The following ARHGAP6 variants were observed in gnomAD, a reference collection of about 807,000 sequenced individuals.
ARHGAP6 encodes the protein Rho GTPase activating protein 6.
Under a neutral mutation model 55.7 loss-of-function variants are expected in ARHGAP6, and 16 were observed. The observed-to-expected ratio is 0.29, with a 90% CI of 0.19 to 0.44. The LOEUF is 0.44. Ranked by LOEUF, ARHGAP6 falls within the 20% of genes least tolerant of loss-of-function variation. ARHGAP6 has a pLI of 1.00. For synonymous variants in ARHGAP6, 382 were observed against 360.9 expected, an observed-to-expected ratio of 1.06 and a Z score of -0.66; for missense variants, 698 against 808.9, an observed-to-expected ratio of 0.86 and a Z score of 1.66.
In ARHGAP6 at chrX:11,559,997, A is replaced by G. The variant is rs184103739; in HGVS notation, c.588+104244T>C. 5.3e-3 allele frequency among the ~76,000 whole-genome samples: 577 copies of G among 109,024 alleles called. 2 individuals carry two copies. The highest frequency in any genetic ancestry group is 0.018 in the African/African-American group (551 of 30,027). The allele number at this position is 109,024 out of a possible 115,157, so 94.7% of individuals were successfully genotyped here. ...ATTCACTATATTGAAAAGATAAATC[A>G]ACCGAACAACCATGCCTGTTCTTTA... On this transcript the variant is annotated intron_variant, in intron 1 of 12. Transcript: ENST00000337414.
intron 1 of ARHGAP6, among the ~76,000 whole-genome samples, chrX:11,521,393 A>C (rs1175851116): frequency 2.7e-5 from 3 of 112,346 alleles, no homozygotes; most frequent in Non-Finnish European, 5.6e-5. Flanking sequence ...CAGTTTTCCC[A>C]GCACCATTTG....
At chrX:11,276,630 A>G (rs990175259) in intron 1 of ARHGAP6, among the ~76,000 whole-genome samples, 1 of 111,742 alleles carries the variant, frequency 8.9e-6, no homozygotes, top group Non-Finnish European at 1.9e-5. Flanking sequence ...TGCAGGTATG[A>G]CGTGAAAACA....
chrX:11,532,773 G>A (rs1285365169), intron 1 of ARHGAP6, among the ~76,000 whole-genome samples: 1 of 112,263 alleles, frequency 8.9e-6, no homozygotes, highest in African/African-American at 3.2e-5. Context: ...ACACTACAAA[G>A]GCAAAGCTGA....
intron 1 of ARHGAP6, among the ~76,000 whole-genome samples, chrX:11,522,305 C>A (rs1329542895): frequency 1.8e-5 from 2 of 110,769 alleles, no homozygotes; most frequent in South Asian, 7.8e-4. Flanking sequence ...AATTGACACC[C>A]TAACGTCACA....
intron 1 of ARHGAP6, among the ~76,000 whole-genome samples, chrX:11,620,299 A>T (rs887958308): frequency 1.8e-5 from 2 of 112,315 alleles, no homozygotes; most frequent in Non-Finnish European, 3.8e-5. Context: ...TTTTTGAAAA[A>T]CTTCCTTCTA....
At chrX:11,230,928 T>C (rs1483598081) in intron 2 of ARHGAP6, among the ~76,000 whole-genome samples, 2 of 110,758 alleles carry the variant, frequency 1.8e-5, no homozygotes, top group Non-Finnish European at 3.8e-5. Flanking sequence ...TGAAATTACA[T>C]TGACACATCA....
chrX:11,208,056 G>A (rs186597282), intron 2 of ARHGAP6, among the ~76,000 whole-genome samples: 1 of 111,079 alleles, frequency 9.0e-6, no homozygotes, highest in Non-Finnish European at 1.9e-5. Context: ...AAAGAAACAT[G>A]TGTTGTTGCA....
chrX:11,202,314 G>A (rs1461433088), intron 2 of ARHGAP6, among the ~76,000 whole-genome samples: 2 of 110,265 alleles, frequency 1.8e-5, no homozygotes, highest in Non-Finnish European at 3.8e-5. Flanking sequence ...CTTCAGAGGT[G>A]GCTCATTGAA....
chrX:11,511,919 C>T (rs1480619882), intron 1 of ARHGAP6, among the ~76,000 whole-genome samples: 10 of 111,262 alleles, frequency 9.0e-5, no homozygotes, highest in South Asian at 3.9e-4. Flanking sequence ...CTCTGCCTCC[C>T]GGGTTCACAC....
intron 2 of ARHGAP6, among the ~76,000 whole-genome samples, chrX:11,249,997 C>T (rs778686346): frequency 5.4e-5 from 6 of 111,810 alleles, no homozygotes; most frequent in African/African-American, 1.9e-4. Flanking sequence ...ATGATTGTCT[C>T]ATTATCTCAA....
At chrX:11,449,068 T>G (rs1422024894) in intron 1 of ARHGAP6, among the ~76,000 whole-genome samples, 1 of 111,507 alleles carries the variant, frequency 9.0e-6, no homozygotes, top group Non-Finnish European at 1.9e-5. Flanking sequence ...GTGAAAGCTA[T>G]GAGAAGCGTA....
At chrX:11,624,652 T>C (rs969443844) in intron 1 of ARHGAP6, among the ~76,000 whole-genome samples, 1 of 112,451 alleles carries the variant, frequency 8.9e-6, no homozygotes, top group Admixed American at 9.4e-5. Context: ...CCCGGGTTCA[T>C]GCCATTCTCC....
intron 1 of ARHGAP6, among the ~76,000 whole-genome samples, chrX:11,282,712 CAT>C (rs769174789): frequency 4.5e-5 from 5 of 112,249 alleles, no homozygotes; most frequent in Admixed American, 9.4e-5. Context: ...GATTCAAAAA[CAT>C]AGCAAGAGTT....
intron 1 of ARHGAP6, among the ~76,000 whole-genome samples, chrX:11,396,043 G>T (rs1164814109): frequency 9.0e-6 from 1 of 110,887 alleles, no homozygotes; most frequent in Non-Finnish European, 1.9e-5. Flanking sequence ...CACCCTCTAG[G>T]AGTACTATCA....
chrX:11,494,421 T>A (rs2050602812), intron 1 of ARHGAP6, among the ~76,000 whole-genome samples: 1 of 112,035 alleles, frequency 8.9e-6, no homozygotes, highest in South Asian at 3.7e-4. Flanking sequence ...TTAAGAGAGA[T>A]TACAGAAGCA....
intron 1 of ARHGAP6, among the ~76,000 whole-genome samples, chrX:11,319,422 A>G (rs1265785857): frequency 2.7e-5 from 3 of 111,657 alleles, no homozygotes; most frequent in Non-Finnish European, 3.8e-5. Context: ...GGTCTTCAAC[A>G]GGGCCTGAGA....
chrX:11,286,757 C>T (rs967257440), intron 1 of ARHGAP6, among the ~76,000 whole-genome samples: 1 of 112,155 alleles, frequency 8.9e-6, no homozygotes, highest in Non-Finnish European at 1.9e-5. Context: ...GCCCCAAATG[C>T]CAAGAGTGCT....
intron 2 of ARHGAP6, among the ~76,000 whole-genome samples, chrX:11,233,818 C>A (rs1185278615): frequency 8.9e-6 from 1 of 112,126 alleles, no homozygotes; most frequent in Non-Finnish European, 1.9e-5. Context: ...ATCAGGTACA[C>A]CTGTAAATCT....
chrX:11,434,370 C>T (rs1347335737), intron 1 of ARHGAP6, among the ~76,000 whole-genome samples: 1 of 111,467 alleles, frequency 9.0e-6, no homozygotes, highest in Admixed American at 9.5e-5. Context: ...TAGAGCTGAG[C>T]CCTGGGTCTC....
Sources: allele counts gnomAD v4.1 joint callset (sites outside exome capture counted in the v4.1 genomes callset), GRCh38; gene constraint gnomAD v4.1.1; transcripts MANE v1.5; gene names NCBI Gene and HGNC (gene_info 2026-07-23, HGNC 2026-07-21).